The following TMEM161B variants were observed in gnomAD, a reference collection of about 807,000 sequenced individuals.
TMEM161B encodes the protein transmembrane protein 161B.
A neutral mutation model predicts 61.8 loss-of-function variants in TMEM161B; 34 were observed. That is an observed-to-expected ratio of 0.55 (90% CI 0.42 to 0.73). The LOEUF (loss-of-function observed/expected upper bound fraction) is 0.73. Among genes scored for constraint, TMEM161B ranks in the 30% least tolerant of loss-of-function variants. The pLI, the probability that TMEM161B is intolerant of heterozygous loss-of-function variation, is 0.00. For synonymous variants in TMEM161B, 167 were observed against 192.8 expected, an observed-to-expected ratio of 0.87 and a Z score of 1.11; for missense variants, 456 against 558.5, an observed-to-expected ratio of 0.82 and a Z score of 1.85.
At chr5:88,203,209 C>T in intron 8 of TMEM161B, 134 bp from the exon 9 acceptor site, 2 of 559,116 alleles carry the variant, frequency 3.6e-6, no homozygotes, top group Non-Finnish European at 3.1e-6. Flanking sequence ...CTACTGTCAC[C>T]ATCATTTTAT....
At chr5:88,193,156 TCATTTCAGA>T (rs1749135268), downstream of TMEM161B, among the ~76,000 whole-genome samples, 1 of 152,150 alleles carries the variant, frequency 6.6e-6, no homozygotes. Flanking sequence ...TATATGCTTT[TCATTTCAGA>T]CAAATCAATG....
chr5:88,267,007 ACT>A (rs1206471707), intron 1 of TMEM161B, among the ~76,000 whole-genome samples: 2 of 152,224 alleles, frequency 1.3e-5, no homozygotes, highest in African/African-American at 4.8e-5. Flanking sequence ...ATTCCAAAAC[ACT>A]GAGAACAAGT....
intron 1 of TMEM161B, among the ~76,000 whole-genome samples, chr5:88,263,672 A>C (rs1755982104): frequency 6.6e-6 from 1 of 152,242 alleles, no homozygotes; most frequent in Non-Finnish European, 1.5e-5. Flanking sequence ...TCTCTCTTAG[A>C]AATGAACACT....
intron 9 of TMEM161B, chr5:88,201,699 T>C (rs1457838635): frequency 1.3e-5 from 2 of 152,306 alleles, no homozygotes; most frequent in Non-Finnish European, 2.9e-5. Context: ...TATGAATTAG[T>C]AGTTTCTCTG....
At chr5:88,205,671 A>G (rs1288024200) in intron 8 of TMEM161B, 143 bp downstream of exon 8, 1 of 887,242 alleles carries the variant, frequency 1.1e-6, no homozygotes, top group East Asian at 3.2e-5. Context: ...AAACTTGCTT[A>G]TAGTTGAAAG....
intron 4 of TMEM161B, among the ~76,000 whole-genome samples, chr5:88,224,482 A>G (rs1386041346): frequency 6.6e-6 from 1 of 152,222 alleles, no homozygotes; most frequent in Non-Finnish European, 1.5e-5. Flanking sequence ...AAAAATTGAG[A>G]TACTACATTT....
Position 88,199,145 on chromosome 5 carries a change from G to C in TMEM161B, c.920C>G (p.Thr307Arg), listed in dbSNP as rs1250432111. 12 of 1,604,266 alleles carry C rather than the reference G, an allele frequency of 7.5e-6. No individual in the cohort carries two copies. Among genetic ancestry groups the C allele is most frequent in the Admixed American group, 1.7e-5 (1 of 58,358 alleles). The stretch of plus-strand genomic sequence containing the variant: ...TCGCAGAGTATCGAATGTGGCTTCT[G>C]TCATTCTACAGATCAAAAAGTTGAT... Reference protein sequence around the residue: ...PLGKESIPLMTEATFDTLRLW... With the variant: ...PLGKESIPLMREATFDTLRLW... Residue 307 changes from threonine to arginine, a missense_variant, in exon 10 of 12, where the codon ACA becomes AGA. This residue lies in a region of TMEM161B where 367 missense variants were observed against 427.3 expected (regional missense o/e 0.86). Transcript: ENST00000296595.
chr5:88,218,490 TA>T (rs1166648995), intron 5 of TMEM161B, among the ~76,000 whole-genome samples: 2 of 151,350 alleles, frequency 1.3e-5, no homozygotes, highest in East Asian at 3.9e-4. Flanking sequence ...AACAGAACTT[TA>T]AAAAAAAATC....
chr5:88,246,817 G>T (rs948130589), intron 1 of TMEM161B, among the ~76,000 whole-genome samples: 1 of 151,912 alleles, frequency 6.6e-6, no homozygotes, highest in Non-Finnish European at 1.5e-5. Context: ...AATGAGCAGA[G>T]ATGCAATGAA....
chr5:88,261,598 A>C (rs532026460), intron 1 of TMEM161B, among the ~76,000 whole-genome samples: 1 of 151,886 alleles, frequency 6.6e-6, no homozygotes, highest in South Asian at 2.1e-4. Context: ...ACAGAATAGA[A>C]TAGAGGGGCC....
At chr5:88,247,550 T>C (rs1197320178) in intron 1 of TMEM161B, among the ~76,000 whole-genome samples, 2 of 152,080 alleles carry the variant, frequency 1.3e-5, no homozygotes, top group Non-Finnish European at 2.9e-5. Context: ...TCCTATTCAT[T>C]TGTTTCTTGA....
intron 1 of TMEM161B, among the ~76,000 whole-genome samples, chr5:88,244,327 G>A (rs980480006): frequency 6.6e-6 from 1 of 151,874 alleles, no homozygotes; most frequent in African/African-American, 2.4e-5. Context: ...TGTAAGGAAG[G>A]GGTCTAGCTT....
intron 5 of TMEM161B, among the ~76,000 whole-genome samples, chr5:88,212,763 A>T (rs993400886): frequency 2.0e-4 from 30 of 152,190 alleles, no homozygotes; most frequent in African/African-American, 6.8e-4. Context: ...CAGGAGGCTG[A>T]GGCTGCAACG....
chr5:88,238,095 T>C (rs760467918), intron 2 of TMEM161B, among the ~76,000 whole-genome samples: 4 of 152,130 alleles, frequency 2.6e-5, no homozygotes, highest in Non-Finnish European at 4.4e-5. Flanking sequence ...CCTTTATATA[T>C]TAAATAATCT....
At chr5:88,187,061 G>A (rs2112290279), downstream of TMEM161B, among the ~76,000 whole-genome samples, 1 of 152,292 alleles carries the variant, frequency 6.6e-6, no homozygotes, top group East Asian at 1.9e-4. Context: ...GGGGATTGAG[G>A]TTCATTTTTT....
At chr5:88,213,292 C>T (rs1443177893) in intron 5 of TMEM161B, among the ~76,000 whole-genome samples, 2 of 151,968 alleles carry the variant, frequency 1.3e-5, no homozygotes, top group Non-Finnish European at 2.9e-5. Context: ...TAATCTGATC[C>T]TATCTTCCAA....
chr5:88,261,303 G>A (rs532149533), intron 1 of TMEM161B, among the ~76,000 whole-genome samples: 2 of 152,126 alleles, frequency 1.3e-5, no homozygotes, highest in East Asian at 3.9e-4. Context: ...CCATGTTCAT[G>A]AAAAGGATAT....
downstream of TMEM161B, among the ~76,000 whole-genome samples, chr5:88,188,630 C>T (rs1011057934): frequency 3.9e-5 from 6 of 152,050 alleles, no homozygotes; most frequent in East Asian, 1.9e-4. Context: ...TGTAGCAGGA[C>T]GAGCCGCAGA....
intron 1 of TMEM161B, among the ~76,000 whole-genome samples, chr5:88,249,678 T>C (rs953112498): frequency 6.6e-6 from 1 of 152,030 alleles, no homozygotes; most frequent in Non-Finnish European, 1.5e-5. Flanking sequence ...GGGCTTAAGA[T>C]AGCAAAAGAC....
Sources: gnomAD v4.1 joint callset for allele counts (sites outside exome capture counted in the v4.1 genomes callset) on GRCh38, gnomAD v4.1.1 for gene constraint, gnomAD v4.1.1 regional missense constraint, MANE v1.5 for transcripts, NCBI Gene and HGNC (gene_info 2026-07-23, HGNC 2026-07-21) for gene names.